ZNF385D: variants seen among roughly 807,000 people sequenced by gnomAD.
ZNF385D encodes the protein zinc finger protein 385D.
ZNF385D carries 15 observed loss-of-function variants against 35.8 expected under a neutral mutation model. That is an observed-to-expected ratio of 0.42 (90% CI 0.28 to 0.64). The LOEUF (loss-of-function observed/expected upper bound fraction) is 0.64, where lower values mean the gene tolerates loss of function less well. Ranked by LOEUF, ZNF385D falls within the 30% of genes least tolerant of loss-of-function variation. The pLI is 0.23. For synonymous variants in ZNF385D, 212 were observed against 186.8 expected, an observed-to-expected ratio of 1.13 and a Z score of -1.10; for missense variants, 474 against 494.6, an observed-to-expected ratio of 0.96 and a Z score of 0.39.
At chr3:22,166,757 G>C (rs1351612802) in intron 3 of ZNF385D, among the ~76,000 whole-genome samples, 1 of 152,124 alleles carries the variant, frequency 6.6e-6, no homozygotes, top group African/African-American at 2.4e-5. Context: ...ACTCTGATTT[G>C]GGTTTCTAAA....
intron 2 of ZNF385D, among the ~76,000 whole-genome samples, chr3:21,662,292 A>G (rs917453866): frequency 6.6e-6 from 1 of 152,108 alleles, no homozygotes; most frequent in Non-Finnish European, 1.5e-5. Context: ...CCATCTCATG[A>G]ATGCCTATGT....
intron 3 of ZNF385D, among the ~76,000 whole-genome samples, chr3:21,811,396 A>G (rs1156802533): frequency 6.6e-6 from 1 of 152,176 alleles, no homozygotes; most frequent in African/African-American, 2.4e-5. Context: ...TTTATCAAAG[A>G]CTATTATAGT....
chr3:21,523,236 A>T (rs1032336413), intron 3 of ZNF385D, among the ~76,000 whole-genome samples: 4 of 152,194 alleles, frequency 2.6e-5, no homozygotes, highest in Non-Finnish European at 5.9e-5. Context: ...AGATCGGTGG[A>T]TTGAGAATCT....
At chr3:22,283,619 T>C (rs544040240) in intron 2 of ZNF385D, among the ~76,000 whole-genome samples, 1 of 152,254 alleles carries the variant, frequency 6.6e-6, no homozygotes, top group South Asian at 2.1e-4. Flanking sequence ...GTGTGCAGCT[T>C]TGAGCAAGAT....
chr3:22,099,502 A>G (rs991364285), intron 3 of ZNF385D, among the ~76,000 whole-genome samples: 2 of 152,124 alleles, frequency 1.3e-5, no homozygotes, highest in Non-Finnish European at 2.9e-5. Context: ...AGAAACAAGG[A>G]TAACTAGATT....
At chr3:21,711,821 T>A (rs12629680) in intron 1 of ZNF385D, among the ~76,000 whole-genome samples, 77,156 of 151,788 alleles carry the variant, frequency 0.51, 20,095 homozygotes, top group African/African-American at 0.63. Flanking sequence ...TGGACTGAGG[T>A]AGGAATTCCA....
intron 2 of ZNF385D, among the ~76,000 whole-genome samples, chr3:22,200,085 C>T (rs1281110426): frequency 2.0e-5 from 3 of 152,024 alleles, no homozygotes; most frequent in Non-Finnish European, 4.4e-5. Context: ...CTGTCAAAGA[C>T]AGAATAGGAA....
chr3:21,794,167 C>G (rs2072046725), intron 3 of ZNF385D, among the ~76,000 whole-genome samples: 1 of 152,122 alleles, frequency 6.6e-6, no homozygotes, highest in Non-Finnish European at 1.5e-5. Context: ...GGCACCTGAT[C>G]TCTACCTTTG....
intron 3 of ZNF385D, among the ~76,000 whole-genome samples, chr3:21,975,371 G>GGA (rs749132548): frequency 3.9e-5 from 6 of 152,008 alleles, no homozygotes; most frequent in Non-Finnish European, 8.8e-5. Flanking sequence ...TGCAACTCAT[G>GGA]GAGAGAGAGA....
intron 3 of ZNF385D, among the ~76,000 whole-genome samples, chr3:22,043,611 C>T (rs1392654349): frequency 1.3e-4 from 15 of 119,798 alleles, no homozygotes; most frequent in Admixed American, 1.2e-3. Context: ...ATTATAGTCC[C>T]TGCCTTCTCT....
chr3:21,456,487 C>CA (rs1193803257), intron 4 of ZNF385D, among the ~76,000 whole-genome samples: 1 of 151,900 alleles, frequency 6.6e-6, no homozygotes, highest in East Asian at 1.9e-4. Flanking sequence ...GTCACAAGGA[C>CA]AAAAAACCAA....
chr3:22,216,780 G>A (rs774545349), intron 2 of ZNF385D, among the ~76,000 whole-genome samples: 8 of 152,104 alleles, frequency 5.3e-5, no homozygotes, highest in Non-Finnish European at 1.0e-4. Flanking sequence ...AAGTGGCCAT[G>A]TGACAGAGGT....
intron 1 of ZNF385D, among the ~76,000 whole-genome samples, chr3:21,708,308 T>C (rs773001482): frequency 1.3e-5 from 2 of 152,246 alleles, no homozygotes; most frequent in Admixed American, 6.5e-5. Context: ...GTATTTCATG[T>C]AACGCTTACA....
At chr3:22,083,092 C>G (rs981160574) in intron 3 of ZNF385D, among the ~76,000 whole-genome samples, 1 of 152,102 alleles carries the variant, frequency 6.6e-6, no homozygotes, top group Non-Finnish European at 1.5e-5. Context: ...CATCAAAGAC[C>G]AAAGGTAGAT....
intron 3 of ZNF385D, among the ~76,000 whole-genome samples, chr3:21,758,337 G>A (rs1450147416): frequency 6.6e-6 from 1 of 152,154 alleles, no homozygotes; most frequent in South Asian, 2.1e-4. Flanking sequence ...GTTAGTGATT[G>A]GAACATGCCA....
chr3:21,536,447 T>C (rs779964050), intron 3 of ZNF385D, among the ~76,000 whole-genome samples: 1 of 152,018 alleles, frequency 6.6e-6, no homozygotes, highest in African/African-American at 2.4e-5. Flanking sequence ...GCTTCTATGG[T>C]TTGAGTTGGA....
intron 2 of ZNF385D, among the ~76,000 whole-genome samples, chr3:22,263,158 G>A (rs961392000): frequency 3.3e-5 from 5 of 151,872 alleles, no homozygotes; most frequent in South Asian, 4.1e-4. Context: ...CAGTCAGAAT[G>A]TACCAACCAG....
intron 3 of ZNF385D, among the ~76,000 whole-genome samples, chr3:22,132,634 T>C (rs1703867922): frequency 6.6e-6 from 1 of 152,104 alleles, no homozygotes; most frequent in South Asian, 2.1e-4. Flanking sequence ...AAAATTCCTC[T>C]AGATGAACTG....
rs149502789 is a variant in ZNF385D, at chr3:21,727,608, G to A, written c.22+23287C>T. ...CATTAGAGAAATGCAAATCAAAACCGCAATGAGATACCATCTCACGCCAGT... is the reference window on the plus strand; with the variant it reads ...CATTAGAGAAATGCAAATCAAAACCACAATGAGATACCATCTCACGCCAGT... On this transcript the variant is annotated intron_variant, in intron 1 of 7. Coordinates refer to ENST00000281523, the MANE Select transcript of ZNF385D (RefSeq NM_024697.3). 6.1e-3 allele frequency among the ~76,000 whole-genome samples: 928 copies of A among 152,128 alleles called. 9 individuals carry two copies. The highest frequency in any genetic ancestry group is 0.021 in the African/African-American group (851 of 41,504).
Sources: gnomAD v4.1 joint callset for allele counts (sites outside exome capture counted in the v4.1 genomes callset) on GRCh38, gnomAD v4.1.1 for gene constraint, MANE v1.5 for transcripts, NCBI Gene and HGNC (gene_info 2026-07-23, HGNC 2026-07-21) for gene names.